The following SLC18A2 variants were observed in gnomAD, a reference collection of about 807,000 sequenced individuals.
SLC18A2 encodes solute carrier family 18 member A2, also known as synaptic vesicular amine transporter.
Under a neutral mutation model 59.2 loss-of-function variants are expected in SLC18A2, and 33 were observed. The observed-to-expected ratio is 0.56, with a 90% CI of 0.42 to 0.75. The LOEUF (loss-of-function observed/expected upper bound fraction) is 0.75. Among genes scored for constraint, SLC18A2 ranks in the 30% least tolerant of loss-of-function variants. The pLI is 0.00. For missense variants in SLC18A2, 569 were observed against 668.6 expected (o/e 0.85, Z 1.64); for synonymous variants, 228 against 253.5 (o/e 0.90, Z 0.95).
At chr10:117,246,719 C>T (rs528666279) in intron 3 of SLC18A2, among the ~76,000 whole-genome samples, 10 of 152,134 alleles carry the variant, frequency 6.6e-5, no homozygotes, top group Admixed American at 6.5e-4. Flanking sequence ...GCAGTGTGAT[C>T]TTGGCTCACT....
At chr10:117,251,449 A>G (rs142783656) in intron 3 of SLC18A2, among the ~76,000 whole-genome samples, 11 of 152,284 alleles carry the variant, frequency 7.2e-5, no homozygotes, top group Middle Eastern at 3.4e-3. Context: ...CCCGATGGCC[A>G]TCTGAACTGC....
chr10:117,249,150 G>C (rs987386770), intron 3 of SLC18A2, among the ~76,000 whole-genome samples: 5 of 152,230 alleles, frequency 3.3e-5, no homozygotes, highest in African/African-American at 1.2e-4. Flanking sequence ...TCTATGGACA[G>C]GGAAACCGGC....
chr10:117,255,342 GCCGCCCTGGTA>G lies in SLC18A2; in HGVS notation c.768_778del (p.Ala257LeufsTer78). The G allele has an allele frequency of 6.2e-7, 1 of 1,614,268 alleles. No individual in the cohort carries two copies. Among genetic ancestry groups the G allele is most frequent in the Non-Finnish European group, 8.5e-7 (1 of 1,180,044 alleles). On this transcript the variant is annotated frameshift_variant, in exon 7 of 16. Transcript: ENST00000644641. LOFTEE classifies it high-confidence loss of function. The stretch of plus-strand genomic sequence containing the variant: ...GAAGACGGCTCCGTTCCTGGTGCTG[GCCGCCCTGGTA>G]CTCTTGGATGGAGGTGAGTGAGTCC...
chr10:117,260,461 C>A (rs1844282687), intron 10 of SLC18A2, among the ~76,000 whole-genome samples: 1 of 147,990 alleles, frequency 6.8e-6, no homozygotes, highest in Admixed American at 7.0e-5. Flanking sequence ...TGTCCCTTCT[C>A]CTCTCCCACT....
intron 3 of SLC18A2, among the ~76,000 whole-genome samples, chr10:117,252,681 T>A (rs890696838): frequency 6.6e-6 from 1 of 152,194 alleles, no homozygotes; most frequent in Non-Finnish European, 1.5e-5. Context: ...CAGTTTAACA[T>A]CCATATCTCT....
At chr10:117,249,924 G>A (rs1021044151) in intron 3 of SLC18A2, among the ~76,000 whole-genome samples, 1 of 152,168 alleles carries the variant, frequency 6.6e-6, no homozygotes, top group African/African-American at 2.4e-5. Flanking sequence ...AATCAGATCT[G>A]GCTCTGCTTA....
intron 3 of SLC18A2, among the ~76,000 whole-genome samples, chr10:117,248,074 A>G (rs544614489): frequency 7.2e-5 from 11 of 152,052 alleles, no homozygotes; most frequent in Non-Finnish European, 1.2e-4. Flanking sequence ...GGTTCAAGCA[A>G]TTCTCCTGCC....
At position 117,267,128 on chromosome 10, in the gene SLC18A2, G is replaced by A. The variant is rs1844358159; in HGVS notation, c.1122+93G>A. 5.4e-6 allele frequency: 5 copies of A among 922,492 alleles called. No homozygotes were observed. In the East Asian group the frequency reaches 9.9e-5, roughly 18 times the overall value. 57.1% of individuals were successfully genotyped at this position (922,492 alleles called of 1,614,324 possible). A position where few individuals can be genotyped will look rare whatever the true frequency, so the allele number is the denominator to read the frequency against. ...TCACCAAGAAACATTTTACGTTTGA[G>A]TTTGTTGATGTTTTATTACAGCTTT... On this transcript the variant is annotated intron_variant, in intron 12 of 15. Coordinates refer to ENST00000644641, the MANE Select transcript of SLC18A2 (RefSeq NM_003054.6).
intron 13 of SLC18A2, 153 bp downstream of exon 13, chr10:117,267,889 C>T (rs1844366965): frequency 3.8e-6 from 2 of 529,510 alleles, no homozygotes; most frequent in Non-Finnish European, 7.0e-6. Flanking sequence ...CCTGTCGATT[C>T]TCCGTGTAAA....
Position 117,275,089 on chromosome 10 carries a change from A to AG in SLC18A2, c.1441-2067dup, listed in dbSNP as rs112992712. Among the ~76,000 whole-genome samples, 590 of 152,280 alleles carry AG rather than the reference A, an allele frequency of 3.9e-3. 4 individuals are homozygous for AG. Among genetic ancestry groups the AG allele is most frequent in the African/African-American group, 0.013 (554 of 41,560 alleles). ...TGGGGGAGATGAGACATTTATTGTTAGGGGGGTTAAACCTTTGTGTTACAT... is the reference window on the plus strand; with the variant it reads ...TGGGGGAGATGAGACATTTATTGTTAGGGGGGGTTAAACCTTTGTGTTACAT... On this transcript the variant is annotated intron_variant, in intron 15 of 15. Coordinates refer to ENST00000644641, the MANE Select transcript of SLC18A2 (RefSeq NM_003054.6).
At chr10:117,249,627 A>G (rs1474412481) in intron 3 of SLC18A2, among the ~76,000 whole-genome samples, 3 of 152,192 alleles carry the variant, frequency 2.0e-5, no homozygotes, top group Admixed American at 6.5e-5. Flanking sequence ...ACGGTAGAGG[A>G]AACTGTGGTT....
chr10:117,274,620 C>A (rs976320508), intron 15 of SLC18A2, among the ~76,000 whole-genome samples: 1 of 152,174 alleles, frequency 6.6e-6, no homozygotes, highest in African/African-American at 2.4e-5. Context: ...CTCAGCAGAC[C>A]TCTGTGGTGG....
rs564306529 is a variant in SLC18A2 at position 117,273,326 on chromosome 10, G to A, written c.1440+2863G>A. 1.3e-4 allele frequency among the ~76,000 whole-genome samples: 20 copies of A among 152,298 alleles called. 1 individual carries two copies. The South Asian group carries it at 3.5e-3, about 27-fold the overall frequency. On this transcript the variant is annotated intron_variant, in intron 15 of 15. Coordinates refer to ENST00000644641, the MANE Select transcript of SLC18A2 (RefSeq NM_003054.6). Reference sequence around the variant, plus strand: ...AAAGTGTCTTATAAGACAGTTACACGGTAGCGCTTCACTCTCAAAATTCCC... The same window carrying A: ...AAAGTGTCTTATAAGACAGTTACACAGTAGCGCTTCACTCTCAAAATTCCC...
intron 3 of SLC18A2, among the ~76,000 whole-genome samples, chr10:117,251,955 T>A (rs1042979700): frequency 3.3e-5 from 5 of 151,742 alleles, no homozygotes; most frequent in Non-Finnish European, 7.4e-5. Flanking sequence ...TATGATTATT[T>A]TTTATTTATT....
chr10:117,251,150 A>G (rs1255280402), intron 3 of SLC18A2, among the ~76,000 whole-genome samples: 2 of 152,202 alleles, frequency 1.3e-5, no homozygotes, highest in Non-Finnish European at 1.5e-5. Flanking sequence ...TTTGATACGT[A>G]TTGGTACTTC....
intron 3 of SLC18A2, among the ~76,000 whole-genome samples, chr10:117,249,865 T>C (rs1193368852): frequency 2.6e-5 from 4 of 152,224 alleles, no homozygotes; most frequent in Non-Finnish European, 5.9e-5. Context: ...CGTGATGCTC[T>C]GTAGAGGATG....
chr10:117,266,370 T>C (rs1844348532), intron 10 of SLC18A2, among the ~76,000 whole-genome samples: 1 of 152,218 alleles, frequency 6.6e-6, no homozygotes, highest in Non-Finnish European at 1.5e-5. Flanking sequence ...ATTCTTTCAA[T>C]GACTGCGTCT....
chr10:117,249,745 T>C (rs1194754656), intron 3 of SLC18A2, among the ~76,000 whole-genome samples: 1 of 152,174 alleles, frequency 6.6e-6, no homozygotes, highest in Non-Finnish European at 1.5e-5. Flanking sequence ...ACAGATGGGG[T>C]TTCTCCAATG....
intron 4 of SLC18A2, 34 bp downstream of exon 4, chr10:117,253,491 T>A (rs761693003): frequency 6.5e-7 from 1 of 1,537,036 alleles, no homozygotes; most frequent in Non-Finnish European, 8.9e-7. Flanking sequence ...TGAGTGTGGG[T>A]CTCATCAGGG....
Sources: gnomAD v4.1 joint callset for allele counts (sites outside exome capture counted in the v4.1 genomes callset) on GRCh38, gnomAD v4.1.1 for gene constraint, MANE v1.5 for transcripts, NCBI Gene and HGNC (gene_info 2026-07-23, HGNC 2026-07-21) for gene names.